GRK4: variants seen among roughly 807,000 people sequenced by gnomAD.
The protein encoded by GRK4 is G protein-coupled receptor kinase 2-like.
Under a neutral mutation model 77.9 loss-of-function variants are expected in GRK4, and 73 were observed. That is an observed-to-expected ratio of 0.94 (90% CI 0.78 to 1.14). The LOEUF (loss-of-function observed/expected upper bound fraction) is 1.14, where lower values mean the gene tolerates loss of function less well. Ranked by LOEUF, GRK4 falls within the 50% of genes most tolerant of loss-of-function variation. The probability of loss-of-function intolerance (pLI) is 0.00; values close to 1 mark genes in which losing one functional copy is unlikely to be tolerated. For synonymous variants in GRK4, 257 were observed against 254.4 expected, an observed-to-expected ratio of 1.01 and a Z score of -0.10; for missense variants, 729 against 700.2, an observed-to-expected ratio of 1.04 and a Z score of -0.46.
chr4:2,975,980 C>T (rs1038120842), intron 1 of GRK4, among the ~76,000 whole-genome samples: 1 of 152,174 alleles, frequency 6.6e-6, no homozygotes, highest in African/African-American at 2.4e-5. Flanking sequence ...GTAGCCAAAT[C>T]CCCAAACAGG....
intron 3 of GRK4, among the ~76,000 whole-genome samples, chr4:2,991,510 AGTTT>A (rs1414500311): frequency 6.6e-6 from 1 of 151,930 alleles, no homozygotes; most frequent in African/African-American, 2.4e-5. Context: ...CCAGCACTGA[AGTTT>A]GTTTGTTTGT....
chr4:2,978,466 G>A (rs866341980), intron 1 of GRK4, among the ~76,000 whole-genome samples: 1 of 152,196 alleles, frequency 6.6e-6, no homozygotes, highest in Non-Finnish European at 1.5e-5. Context: ...AGGTGCACCC[G>A]AAAAGGGGAA....
At chr4:2,969,305 G>T (rs1416980654) in intron 1 of GRK4, 2 of 151,666 alleles carry the variant, frequency 1.3e-5, no homozygotes, top group East Asian at 1.9e-4. Context: ...CTTCCAAATT[G>T]TTGGGATTCC....
At chr4:3,007,680 T>C (rs1027392251) in intron 5 of GRK4, 56 bp from the exon 6 acceptor site, 4 of 1,117,480 alleles carry the variant, frequency 3.6e-6, no homozygotes, top group Admixed American at 4.5e-5. Context: ...TAAAACACAC[T>C]TGTTTTTATT....
At chr4:3,014,049 TC>T (rs1334869587) in intron 8 of GRK4, among the ~76,000 whole-genome samples, 5 of 152,182 alleles carry the variant, frequency 3.3e-5, no homozygotes, top group Non-Finnish European at 5.9e-5. Context: ...TGATACTGCT[TC>T]TAACTTCTGG....
chr4:2,995,593 A>G (rs985651488), intron 4 of GRK4, among the ~76,000 whole-genome samples: 2 of 151,880 alleles, frequency 1.3e-5, no homozygotes, highest in South Asian at 2.1e-4. Context: ...AGGTAGGAGA[A>G]TCACCTGAAC....
rs747895921 is a variant in GRK4 at position 2,988,800 on chromosome 4, AC to A, written c.225del (p.Thr76LeufsTer2). ...RLFRQFCDTK[P>X]TLKRHIEFLD... is the part of the protein sequence containing the mutation. ...TCTTCAGGCAGTTCTGTGATACCAA[AC>A]CCACTCTAAAGAGGCACATTGAATT... On this transcript the variant is annotated frameshift_variant, in exon 3 of 16. Transcript: ENST00000398052. LOFTEE classifies it high-confidence loss of function. 1 of 1,612,638 alleles carries A rather than the reference AC, an allele frequency of 6.2e-7. No individual in the cohort carries two copies.
intron 13 of GRK4, 80 bp downstream of exon 13, chr4:3,035,603 A>C: frequency 2.1e-6 from 3 of 1,463,014 alleles, no homozygotes; most frequent in African/African-American, 1.4e-5. Context: ...TTTTTCAAAA[A>C]TAGAGATGGG....
chr4:3,009,676 C>T lies in GRK4; in HGVS notation c.565C>T (p.His189Tyr). 1 of 1,613,850 alleles carries T rather than the reference C, an allele frequency of 6.2e-7. No individual in the cohort carries two copies. Among genetic ancestry groups the T allele is most frequent in the Non-Finnish European group, 8.5e-7 (1 of 1,179,790 alleles). The change falls in exon 7 of 16, where the codon CAT becomes TAT. Residue 189 changes from histidine (H) to tyrosine (Y), a missense_variant. His to Tyr is a moderately conservative substitution (Grantham distance 83). Transcript: ENST00000398052. ...RQPVTKNTFR[H>Y]YRVLGKGGFG... ...ACCCGTAACAAAGAACACATTTAGA[C>T]ATTACAGAGTTCTAGGAAAAGGCGG...
intron 12 of GRK4, among the ~76,000 whole-genome samples, chr4:3,034,200 C>T (rs1315029795): frequency 1.3e-5 from 2 of 152,282 alleles, no homozygotes; most frequent in Admixed American, 6.5e-5. Context: ...TAGCAGGAGT[C>T]AGCAAGCCGA....
chr4:2,987,023 T>C (rs1268149913), intron 2 of GRK4: 6 of 417,218 alleles, frequency 1.4e-5, no homozygotes, highest in Admixed American at 3.3e-5. Context: ...TTTTAATATA[T>C]TGAGTTGTGA....
At chr4:2,992,963 A>G (rs1726720485) in intron 4 of GRK4, among the ~76,000 whole-genome samples, 1 of 152,176 alleles carries the variant, frequency 6.6e-6, no homozygotes, top group Non-Finnish European at 1.5e-5. Flanking sequence ...TAGCCTGGAC[A>G]AGAGAGTAAG....
intron 4 of GRK4, among the ~76,000 whole-genome samples, chr4:2,998,612 A>G (rs941152262): frequency 2.0e-5 from 3 of 152,168 alleles, no homozygotes; most frequent in East Asian, 1.9e-4. Flanking sequence ...TTCCCTTTGT[A>G]TAGTATCAAA....
At position 3,028,551 on chromosome 4, in the gene GRK4, C is replaced by A. The variant is rs185086353; in HGVS notation, c.1060+550C>A. 7.2e-5 allele frequency among the ~76,000 whole-genome samples: 11 copies of A among 152,298 alleles called. 1 individual carries two copies. The highest frequency in any genetic ancestry group is 6.5e-4 in the Admixed American group (10 of 15,304). ...CATGGCTCTGTGTGTCTGGAGGGAG[C>A]CCCTTCAGGAGGTGGAGCCTTCCCT... On this transcript the variant is annotated intron_variant, in intron 11 of 15. Coordinates refer to ENST00000398052, the MANE Select transcript of GRK4 (RefSeq NM_182982.3).
intron 1 of GRK4, among the ~76,000 whole-genome samples, chr4:2,974,662 A>G (rs999304067): frequency 2.6e-4 from 40 of 152,334 alleles, no homozygotes; most frequent in Admixed American, 5.9e-4. Context: ...GGAAGTGGGT[A>G]CACCCGTTTT....
At chr4:2,983,240 G>A (rs192396266) in intron 1 of GRK4, among the ~76,000 whole-genome samples, 7 of 152,296 alleles carry the variant, frequency 4.6e-5, no homozygotes, top group East Asian at 3.9e-4. Context: ...CACACTCACC[G>A]TATTTAAGAC....
At chr4:3,036,899 C>T (rs1431148526) in intron 13 of GRK4, among the ~76,000 whole-genome samples, 2 of 152,274 alleles carry the variant, frequency 1.3e-5, no homozygotes, top group South Asian at 2.1e-4. Flanking sequence ...GGGATCCCAC[C>T]GCTGGTGGCC....
At chr4:2,987,233 G>T in intron 2 of GRK4, 2 of 443,372 alleles carry the variant, frequency 4.5e-6, no homozygotes, top group African/African-American at 2.0e-5. Flanking sequence ...TTTTGTGACA[G>T]GCTTTTTTTA....
intron 2 of GRK4, among the ~76,000 whole-genome samples, chr4:2,985,046 T>C (rs1244591465): frequency 6.6e-6 from 1 of 152,204 alleles, no homozygotes; most frequent in African/African-American, 2.4e-5. Flanking sequence ...GAGCCAATTA[T>C]TGTCTGTAGA....
Sources: gnomAD v4.1 joint callset for allele counts (sites outside exome capture counted in the v4.1 genomes callset) on GRCh38, gnomAD v4.1.1 for gene constraint, MANE v1.5 for transcripts, NCBI Gene and HGNC (gene_info 2026-07-23, HGNC 2026-07-21) for gene names.